CLEC16A: variants seen among roughly 807,000 people sequenced by gnomAD.
CLEC16A encodes C-type lectin domain containing 16A, also known as protein CLEC16A.
Under a neutral mutation model 109.5 loss-of-function variants are expected in CLEC16A, and 51 were observed. The ratio of observed to expected loss-of-function variants is 0.47; its 90% confidence interval spans 0.37 to 0.59. The LOEUF (loss-of-function observed/expected upper bound fraction) is 0.59, where lower values mean the gene tolerates loss of function less well. Ranked by LOEUF, CLEC16A falls within the 20% of genes least tolerant of loss-of-function variation. CLEC16A has a pLI of 0.00. For synonymous variants in CLEC16A, 673 were observed against 564.2 expected (o/e 1.19, Z -2.73); for missense variants, 1,339 against 1,394.0 (o/e 0.96, Z 0.63).
At chr16:11,173,564 C>T (rs961439901) in intron 23 of CLEC16A, among the ~76,000 whole-genome samples, 2 of 152,104 alleles carry the variant, frequency 1.3e-5, no homozygotes, top group Admixed American at 6.6e-5. Flanking sequence ...TGGAGAGGCT[C>T]GTGGAGCGCC....
intron 22 of CLEC16A, among the ~76,000 whole-genome samples, chr16:11,142,632 G>C (rs1249419376): frequency 1.3e-5 from 2 of 152,218 alleles, no homozygotes; most frequent in African/African-American, 4.8e-5. Context: ...TTTAAGGTCT[G>C]CTGGTCAGGA....
At chr16:11,021,201 C>T (rs1398591915) in intron 12 of CLEC16A, among the ~76,000 whole-genome samples, 2 of 152,194 alleles carry the variant, frequency 1.3e-5, no homozygotes, top group African/African-American at 4.8e-5. Context: ...TCCTCCACAT[C>T]TTATTTGTCT....
chr16:11,073,248 A>C (rs1027103908), intron 19 of CLEC16A, among the ~76,000 whole-genome samples: 1 of 152,138 alleles, frequency 6.6e-6, no homozygotes, highest in African/African-American at 2.4e-5. Context: ...AAGGAAGCAC[A>C]GTCCTCAGTC....
intron 8 of CLEC16A, 73 bp from the exon 9 acceptor site, chr16:10,979,256 T>A: frequency 7.1e-7 from 1 of 1,407,814 alleles, no homozygotes; most frequent in Non-Finnish European, 9.8e-7. Flanking sequence ...AGAAGGCTTT[T>A]GGCTTTGTGT....
At chr16:11,135,924 C>G (rs930692563) in intron 22 of CLEC16A, 9 of 152,442 alleles carry the variant, frequency 5.9e-5, no homozygotes, top group African/African-American at 2.2e-4. Flanking sequence ...TCAAGCACAT[C>G]TAGTGCATAA....
At chr16:11,121,875 G>C (rs1432609685) in intron 20 of CLEC16A, among the ~76,000 whole-genome samples, 2 of 86,980 alleles carry the variant, frequency 2.3e-5, no homozygotes, top group East Asian at 7.0e-4. Context: ...GTGAGACCCT[G>C]TCTCAAAAAA....
At chr16:11,112,033 A>G (rs1478326592) in intron 19 of CLEC16A, among the ~76,000 whole-genome samples, 1 of 152,272 alleles carries the variant, frequency 6.6e-6, no homozygotes, top group Non-Finnish European at 1.5e-5. Context: ...TAAATGGTGT[A>G]GAGTTCTCCC....
intron 22 of CLEC16A, among the ~76,000 whole-genome samples, chr16:11,147,438 C>T (rs774332972): frequency 1.2e-4 from 19 of 152,184 alleles, no homozygotes; most frequent in Non-Finnish European, 1.8e-4. Context: ...TTTTGAGCCA[C>T]GTGCAAGAGA....
intron 20 of CLEC16A, 21 bp downstream of exon 20, chr16:11,120,787 G>A (rs1332649985): frequency 4.0e-6 from 6 of 1,495,536 alleles, no homozygotes; most frequent in Non-Finnish European, 3.6e-6. Flanking sequence ...CAGGAGCTCT[G>A]GGATCTGTTC....
intron 19 of CLEC16A, among the ~76,000 whole-genome samples, chr16:11,115,785 G>C (rs1051019472): frequency 6.6e-6 from 1 of 151,958 alleles, no homozygotes; most frequent in South Asian, 2.1e-4. Context: ...GTCATCTAGA[G>C]AATCATCCAG....
At chr16:11,132,363 C>G (rs1216430906) in intron 22 of CLEC16A, among the ~76,000 whole-genome samples, 2 of 151,888 alleles carry the variant, frequency 1.3e-5, no homozygotes, top group Non-Finnish European at 2.9e-5. Context: ...TGGCTTCTTT[C>G]AGTTTGCATC....
At position 10,979,329 on chromosome 16, in the gene CLEC16A, G is replaced by A. The variant is rs772857461; in HGVS notation, c.904G>A (p.Gly302Arg). The part of the protein sequence containing the change: ...YVYSLENQDK[G>R]GERPKISLPV... ...TCTCTCTCCTGCCACCCTGCACTAG[G>A]GAGGAGAACGGCCGAAAATTAGCCT... Residue 302 changes from glycine (G) to arginine (R), a missense_variant and splice_region_variant, in exon 9 of 24, where the codon GGA becomes AGA. Gly to Arg is a moderately radical substitution (Grantham distance 125, BLOSUM62 -2). Coordinates refer to ENST00000409790, the MANE Select transcript of CLEC16A (RefSeq NM_015226.3). The A allele has an allele frequency of 6.2e-7, 1 of 1,611,970 alleles. No individual in the cohort carries two copies. The highest frequency in any genetic ancestry group is 1.1e-5 in the South Asian group (1 of 90,662).
chr16:11,126,287 T>C, intron 22 of CLEC16A, 141 bp downstream of exon 22: 4 of 1,548,210 alleles, frequency 2.6e-6, no homozygotes, highest in Non-Finnish European at 3.5e-6. Flanking sequence ...TTAGAATTTG[T>C]CAAAGCACAG....
intron 3 of CLEC16A, among the ~76,000 whole-genome samples, chr16:10,964,235 C>T (rs960862961): frequency 3.9e-5 from 6 of 152,220 alleles, no homozygotes; most frequent in African/African-American, 1.4e-4. Flanking sequence ...TTATGCTTCC[C>T]GGTGACCGCA....
At chr16:10,965,174 C>T (rs76576587) in intron 3 of CLEC16A, among the ~76,000 whole-genome samples, 1 of 152,186 alleles carries the variant, frequency 6.6e-6, no homozygotes, top group Non-Finnish European at 1.5e-5. Context: ...AAAGGGTGCC[C>T]TGCTGTGGGA....
chr16:11,150,487 C>T (rs1053056402), intron 22 of CLEC16A, among the ~76,000 whole-genome samples: 45 of 152,294 alleles, frequency 3.0e-4, no homozygotes, highest in African/African-American at 7.7e-4. Flanking sequence ...TCCCGGGCAG[C>T]GTTGCAGTGG....
chr16:11,051,224 G>C (rs550355949), intron 17 of CLEC16A, among the ~76,000 whole-genome samples: 1 of 152,228 alleles, frequency 6.6e-6, no homozygotes, highest in Non-Finnish European at 1.5e-5. Flanking sequence ...CTGAGGTGGA[G>C]AGAGAATGCG....
chr16:10,992,186 C>T (rs2044058888), intron 10 of CLEC16A, among the ~76,000 whole-genome samples: 1 of 152,142 alleles, frequency 6.6e-6, no homozygotes, highest in African/African-American at 2.4e-5. Flanking sequence ...ACCACAGTCA[C>T]CCTTCTGTGC....
chr16:11,007,308 T>G (rs943284589), intron 11 of CLEC16A, among the ~76,000 whole-genome samples: 1 of 79,866 alleles, frequency 1.3e-5, no homozygotes, highest in African/African-American at 4.6e-5. Flanking sequence ...GAGACCCATC[T>G]TGCCTTTTTC....
Sources: allele counts gnomAD v4.1 joint callset (sites outside exome capture counted in the v4.1 genomes callset), GRCh38; gene constraint gnomAD v4.1.1; transcripts MANE v1.5; gene names NCBI Gene and HGNC (gene_info 2026-07-23, HGNC 2026-07-21).